TET2: variants seen among roughly 807,000 people sequenced by gnomAD.
TET2 encodes tet methylcytosine dioxygenase 2.
A neutral mutation model predicts 142.9 loss-of-function variants in TET2; 299 were observed. That is an observed-to-expected ratio of 2.09 (90% CI 1.90 to 2.30). TET2 has a LOEUF of 2.30. Ranked by LOEUF, TET2 falls within the 30% of genes most tolerant of loss-of-function variation. TET2 has a pLI of 0.00. For missense variants in TET2, 2,418 were observed against 2,378.0 expected, an observed-to-expected ratio of 1.02 and a Z score of -0.35; for synonymous variants, 819 against 849.0, an observed-to-expected ratio of 0.96 and a Z score of 0.61.
chr4:105,209,049 G>GTATATATA (rs36045001), intron 2 of TET2, among the ~76,000 whole-genome samples: 787 of 44,166 alleles, frequency 0.018, 82 homozygotes, highest in Non-Finnish European at 0.038. Flanking sequence ...TCAAGGCATG[G>GTATATATA]TATATATATA....
chr4:105,189,139 T>A (rs145922427), intron 1 of TET2, among the ~76,000 whole-genome samples: 35 of 152,148 alleles, frequency 2.3e-4, no homozygotes, highest in African/African-American at 8.2e-4. Flanking sequence ...CATGTGACTT[T>A]GAGAAAAAAT....
At chr4:105,242,737 A>G (rs1729370623) in intron 4 of TET2, 97 bp from the exon 5 acceptor site, 4 of 1,498,590 alleles carry the variant, frequency 2.7e-6, no homozygotes, top group African/African-American at 1.4e-5. Flanking sequence ...GGATGTGGTC[A>G]TAGAATAAAG....
chr4:105,243,162 T>C (rs1729397987), intron 5 of TET2, among the ~76,000 whole-genome samples: 1 of 152,254 alleles, frequency 6.6e-6, no homozygotes, highest in Admixed American at 6.5e-5. Context: ...TAGTGCCTGC[T>C]AAATGTATAA....
intron 1 of TET2, among the ~76,000 whole-genome samples, chr4:105,180,365 T>A (rs1242976434): frequency 6.6e-6 from 1 of 152,214 alleles, no homozygotes; most frequent in African/African-American, 2.4e-5. Flanking sequence ...TCTCAGTCAT[T>A]AATACATGGA....
chr4:105,266,617 C>T (rs895592422), intron 8 of TET2, among the ~76,000 whole-genome samples: 5 of 151,794 alleles, frequency 3.3e-5, no homozygotes, highest in African/African-American at 4.8e-5. Flanking sequence ...CAATGACCTT[C>T]TAGAAGTGAA....
chr4:105,226,647 C>T (rs949686963), intron 2 of TET2, among the ~76,000 whole-genome samples: 2 of 151,536 alleles, frequency 1.3e-5, no homozygotes, highest in Admixed American at 6.6e-5. Flanking sequence ...CCCTCTTCCT[C>T]CCTCTTCCTC....
At chr4:105,241,980 C>T in intron 4 of TET2, 16 of 1,234,522 alleles carry the variant, frequency 1.3e-5, no homozygotes, top group Non-Finnish European at 1.6e-5. Context: ...TATACAAGTA[C>T]TTGCCTTTAC....
chr4:105,180,604 AC>A (rs1199514386), intron 1 of TET2, among the ~76,000 whole-genome samples: 2 of 152,040 alleles, frequency 1.3e-5, no homozygotes, highest in African/African-American at 4.8e-5. Context: ...ATGGTCACAA[AC>A]AGTATTTCAC....
At chr4:105,218,002 AAATTGAGTTGTTTTAATT>A (rs1727596133) in intron 2 of TET2, among the ~76,000 whole-genome samples, 1 of 152,106 alleles carries the variant, frequency 6.6e-6, no homozygotes, top group Non-Finnish European at 1.5e-5. Flanking sequence ...CGAGTGAAGG[AAATTGAGTTGTTTTAATT>A]AAACTCACAT....
At chr4:105,237,422 A>T (rs1560548605) in intron 3 of TET2, 71 bp downstream of exon 3, 3 of 1,613,746 alleles carry the variant, frequency 1.9e-6, no homozygotes, top group Non-Finnish European at 2.5e-6. Context: ...CAGATATGGG[A>T]TTTTCCTTCT....
intron 3 of TET2, chr4:105,239,074 G>GTTTTTTTGT (rs60653050): frequency 0.13 from 27,695 of 211,296 alleles, 1,773 homozygotes; most frequent in Middle Eastern, 0.17. Context: ...TTTGTTTTTT[G>GTTTTTTTGT]TTTTTTTTTT....
At position 105,237,236 on chromosome 4, in the gene TET2, T is replaced by C; in HGVS notation, c.3294T>C (p.Ala1098=). The C allele has an allele frequency of 1.2e-6, 2 of 1,614,098 alleles. No individual in the cohort carries two copies. Reference sequence around the variant, plus strand: ...AGACACCAACCAAAAGAACAGCTGCTTCTGTTCTCAATAATTTTATAGAGT... The same window carrying C: ...AGACACCAACCAAAAGAACAGCTGCCTCTGTTCTCAATAATTTTATAGAGT... ...SEKTPTKRTA[A]SVLNNFIESP... Residue 1098 remains alanine, a synonymous_variant, in exon 3 of 11, where the codon GCT becomes GCC. Transcript: ENST00000380013.
intron 1 of TET2, among the ~76,000 whole-genome samples, chr4:105,159,339 T>G (rs529868035): frequency 1.6e-4 from 23 of 144,712 alleles, no homozygotes; most frequent in African/African-American, 5.9e-4. Flanking sequence ...CACTGCAACC[T>G]CCGCCTCACC....
chr4:105,187,191 C>G (rs1725508818), intron 1 of TET2, among the ~76,000 whole-genome samples: 1 of 152,154 alleles, frequency 6.6e-6, no homozygotes, highest in African/African-American at 2.4e-5. Flanking sequence ...GATACCAACT[C>G]AAATTCTGAT....
chr4:105,212,325 C>G (rs2110549185), intron 2 of TET2, among the ~76,000 whole-genome samples: 1 of 152,282 alleles, frequency 6.6e-6, no homozygotes, highest in South Asian at 2.1e-4. Context: ...GTCCAGCAGA[C>G]TTTCAGAACA....
At chr4:105,176,668 C>T (rs756518072) in intron 1 of TET2, among the ~76,000 whole-genome samples, 2 of 152,104 alleles carry the variant, frequency 1.3e-5, no homozygotes, top group Non-Finnish European at 1.5e-5. Flanking sequence ...GTTACATGTT[C>T]ATTGTCAAGA....
chr4:105,164,280 T>C (rs1255871361), intron 1 of TET2, among the ~76,000 whole-genome samples: 1 of 152,240 alleles, frequency 6.6e-6, no homozygotes, highest in Non-Finnish European at 1.5e-5. Context: ...AGTGAGATCA[T>C]GCAATAGGAA....
intron 6 of TET2, among the ~76,000 whole-genome samples, chr4:105,248,409 A>G (rs979741723): frequency 2.6e-5 from 4 of 152,248 alleles, no homozygotes; most frequent in Non-Finnish European, 5.9e-5. Context: ...TTTTACAATT[A>G]GAAGTCCAAA....
intron 1 of TET2, among the ~76,000 whole-genome samples, chr4:105,157,757 GCCT>G (rs1297824780): frequency 7.2e-5 from 11 of 152,040 alleles, no homozygotes; most frequent in Admixed American, 5.9e-4. Flanking sequence ...GCTCACTGCA[GCCT>G]CCTCCTTCTG....
Sources: allele counts gnomAD v4.1 joint callset (sites outside exome capture counted in the v4.1 genomes callset), GRCh38; gene constraint gnomAD v4.1.1; transcripts MANE v1.5; gene names NCBI Gene and HGNC (gene_info 2026-07-23, HGNC 2026-07-21).